SP100: variants seen among roughly 807,000 people sequenced by gnomAD.
The protein encoded by SP100 is SP100 nuclear body protein.
In SP100, 84 loss-of-function variants were observed where a neutral mutation model predicts 130.0. That is an observed-to-expected ratio of 0.65 (90% confidence interval 0.54 to 0.77). The LOEUF is 0.77. SP100 is among the 30% of genes least tolerant of loss of function. SP100 has a pLI of 0.00. For synonymous variants in SP100, 331 were observed against 351.7 expected, an observed-to-expected ratio of 0.94 and a Z score of 0.66; for missense variants, 978 against 1,052.2, an observed-to-expected ratio of 0.93 and a Z score of 0.97.
intron 24 of SP100, chr2:230,538,764 C>T (rs1692050623): frequency 6.5e-6 from 1 of 154,998 alleles, no homozygotes; most frequent in East Asian, 1.9e-4. Context: ...TGCTGCAGGC[C>T]CAGAGCCCTC....
At chr2:230,504,402 T>G in intron 21 of SP100, 112 bp downstream of exon 21, 1 of 604,684 alleles carries the variant, frequency 1.7e-6, no homozygotes, top group Non-Finnish European at 2.9e-6. Context: ...GCCCCAGGCT[T>G]GAAGATTTGC....
chr2:230,482,946 A>G (rs1371511095), intron 17 of SP100, among the ~76,000 whole-genome samples: 1 of 152,218 alleles, frequency 6.6e-6, no homozygotes, highest in Non-Finnish European at 1.5e-5. Context: ...TTTTATTGAA[A>G]TTGCATAGAA....
intron 11 of SP100, 28 bp downstream of exon 11, chr2:230,464,178 A>C: frequency 7.6e-7 from 1 of 1,322,266 alleles, no homozygotes; most frequent in Non-Finnish European, 1.1e-6. Context: ...GCAACCCGAG[A>C]CTGTAGAATA....
At chr2:230,473,129 A>G in intron 15 of SP100, 195 bp from the exon 16 acceptor site, 3 of 477,798 alleles carry the variant, frequency 6.3e-6, no homozygotes, top group Non-Finnish European at 1.1e-5. Flanking sequence ...CTTTATTTCA[A>G]GATGAAATTC....
chr2:230,438,560 T>C, intron 2 of SP100, among the ~76,000 whole-genome samples: 1 of 151,856 alleles, frequency 6.6e-6, no homozygotes, highest in East Asian at 1.9e-4. Flanking sequence ...TCACTTAGAA[T>C]AATGGTCTCC....
At chr2:230,496,945 C>G (rs1174014831) in intron 18 of SP100, among the ~76,000 whole-genome samples, 4 of 152,204 alleles carry the variant, frequency 2.6e-5, no homozygotes, top group Admixed American at 6.5e-5. Flanking sequence ...CTCTGCCTTC[C>G]TCAAACTCCT....
intron 24 of SP100, among the ~76,000 whole-genome samples, chr2:230,518,351 T>G (rs1295270597): frequency 6.6e-6 from 1 of 151,900 alleles, no homozygotes; most frequent in African/African-American, 2.4e-5. Context: ...TTTTGACACA[T>G]TTTAAATTTA....
intron 17 of SP100, among the ~76,000 whole-genome samples, chr2:230,483,610 G>T (rs946493212): frequency 3.3e-5 from 5 of 152,158 alleles, no homozygotes; most frequent in African/African-American, 1.2e-4. Context: ...GGAGGGCAAG[G>T]ATGGGGCAGG....
chr2:230,446,959 G>C (rs556653107), intron 5 of SP100, 57 bp downstream of exon 5: 58 of 1,016,852 alleles, frequency 5.7e-5, no homozygotes, highest in Admixed American at 8.4e-5. Flanking sequence ...CCAAGGTTCT[G>C]AGTGGAGATT....
intron 24 of SP100, among the ~76,000 whole-genome samples, chr2:230,513,643 G>GA (rs1235008211): frequency 2.0e-5 from 3 of 152,218 alleles, no homozygotes; most frequent in African/African-American, 7.2e-5. Context: ...CTCGGTGGGG[G>GA]AAAAAAACCT....
intron 8 of SP100, among the ~76,000 whole-genome samples, chr2:230,459,013 T>C (rs1234190916): frequency 1.3e-5 from 2 of 152,120 alleles, no homozygotes; most frequent in Non-Finnish European, 2.9e-5. Context: ...AGACCTCACT[T>C]GGCATGTGAG....
chr2:230,495,943 A>G (rs1309268381), intron 18 of SP100, among the ~76,000 whole-genome samples: 3 of 152,182 alleles, frequency 2.0e-5, no homozygotes, highest in Non-Finnish European at 4.4e-5. Flanking sequence ...ATAGATATAT[A>G]TGTTTATGTA....
At chr2:230,446,795 C>T (rs558068486) in intron 4 of SP100, 24 bp from the exon 5 acceptor site, 35 of 1,463,070 alleles carry the variant, frequency 2.4e-5, no homozygotes, top group Non-Finnish European at 2.8e-5. Context: ...TCTCTAATTG[C>T]TTCTTCTCTC....
At chr2:230,506,782 TACACACACACAC>T (rs57619257) in intron 22 of SP100, 2,550 of 181,510 alleles carry the variant, frequency 0.014, 55 homozygotes, top group African/African-American at 0.052. Flanking sequence ...AAATGTTAAA[TACACACACACAC>T]ACACACACAC....
At chr2:230,495,615 A>G (rs1330377229) in intron 18 of SP100, among the ~76,000 whole-genome samples, 1 of 152,150 alleles carries the variant, frequency 6.6e-6, no homozygotes, top group African/African-American at 2.4e-5. Flanking sequence ...ACCAAACTCA[A>G]TCAGAGCATA....
At chr2:230,429,910 C>CTTT (rs370928776) in intron 2 of SP100, among the ~76,000 whole-genome samples, 57 of 152,048 alleles carry the variant, frequency 3.7e-4, no homozygotes, top group Middle Eastern at 3.4e-3. Flanking sequence ...GTTCACTGAA[C>CTTT]TTTTTAAAGA....
At chr2:230,520,472 A>G (rs751110697) in intron 24 of SP100, 1 of 152,224 alleles carries the variant, frequency 6.6e-6, no homozygotes, top group Non-Finnish European at 1.5e-5. Flanking sequence ...ACCAGCTTCA[A>G]AAAACCAGAA....
intron 9 of SP100, 43 bp from the exon 10 acceptor site, chr2:230,462,392 G>A (rs1242122394): frequency 6.7e-7 from 1 of 1,500,866 alleles, no homozygotes; most frequent in Admixed American, 1.7e-5. Flanking sequence ...GGACTCCTTG[G>A]TCACACCCTG....
intron 16 of SP100, among the ~76,000 whole-genome samples, chr2:230,474,142 C>T (rs954097184): frequency 2.0e-5 from 3 of 152,116 alleles, no homozygotes; most frequent in African/African-American, 4.8e-5. Context: ...ACAGGATAAC[C>T]GTTGCTGTCC....
Sources: allele counts gnomAD v4.1 joint callset (sites outside exome capture counted in the v4.1 genomes callset), GRCh38; gene constraint gnomAD v4.1.1; transcripts MANE v1.5; gene names NCBI Gene and HGNC (gene_info 2026-07-23, HGNC 2026-07-21).